Variants in SCLT1 observed in about 807,000 individuals in gnomAD.
SCLT1 encodes sodium channel-associated protein 1.
In SCLT1, 78 loss-of-function variants were observed where a neutral mutation model predicts 112.8. That is an observed-to-expected ratio of 0.69 (90% confidence interval 0.58 to 0.83). The LOEUF (loss-of-function observed/expected upper bound fraction) is 0.83. Among genes scored for constraint, SCLT1 ranks in the 40% least tolerant of loss-of-function variants. The pLI, the probability that SCLT1 is intolerant of heterozygous loss-of-function variation, is 0.00. For synonymous variants in SCLT1, 257 were observed against 254.7 expected, an observed-to-expected ratio of 1.01 and a Z score of -0.09; for missense variants, 747 against 770.4, an observed-to-expected ratio of 0.97 and a Z score of 0.36.
At chr4:129,071,731 T>C (rs1329928468) in intron 2 of SCLT1, among the ~76,000 whole-genome samples, 6 of 152,336 alleles carry the variant, frequency 3.9e-5, no homozygotes, top group African/African-American at 9.6e-5. Context: ...AGATAGTTGG[T>C]TGGTGAGTTG....
chr4:128,889,653 C>T (rs1560804074), intron 19 of SCLT1, among the ~76,000 whole-genome samples: 1 of 152,142 alleles, frequency 6.6e-6, no homozygotes, highest in Non-Finnish European at 1.5e-5. Flanking sequence ...TACTGTCAGA[C>T]AGACAAGTGC....
chr4:129,036,380 C>T (rs1747182038), intron 5 of SCLT1, among the ~76,000 whole-genome samples: 1 of 151,958 alleles, frequency 6.6e-6, no homozygotes, highest in Non-Finnish European at 1.5e-5. Context: ...ATGATTATCT[C>T]AACCATAAAA....
At chr4:128,898,511 C>T (rs1218412150) in intron 18 of SCLT1, among the ~76,000 whole-genome samples, 3 of 152,084 alleles carry the variant, frequency 2.0e-5, no homozygotes, top group Non-Finnish European at 4.4e-5. Context: ...ATCTCTGGGA[C>T]ACATTCAAAG....
intron 9 of SCLT1, among the ~76,000 whole-genome samples, chr4:128,981,920 T>C (rs1038660701): frequency 1.3e-5 from 2 of 152,092 alleles, no homozygotes; most frequent in South Asian, 4.1e-4. Context: ...GAGAGTGACA[T>C]GATCGGACAT....
chr4:128,982,539 T>C (rs1007831334), intron 9 of SCLT1, among the ~76,000 whole-genome samples: 1 of 152,192 alleles, frequency 6.6e-6, no homozygotes, highest in African/African-American at 2.4e-5. Flanking sequence ...TCTTGCTCTG[T>C]TGCCCAGGCT....
intron 5 of SCLT1, among the ~76,000 whole-genome samples, chr4:129,034,229 T>C (rs967363774): frequency 6.6e-6 from 1 of 152,146 alleles, no homozygotes; most frequent in Non-Finnish European, 1.5e-5. Flanking sequence ...TTCAAATAGA[T>C]AATAAACATT....
intron 8 of SCLT1, 140 bp from the exon 9 acceptor site, chr4:128,992,377 C>A (rs1579622613): frequency 1.8e-6 from 1 of 556,684 alleles, no homozygotes. Context: ...TAAAACATAA[C>A]CTTGGCCTTC....
chr4:128,905,651 C>T (rs946709117), intron 18 of SCLT1, among the ~76,000 whole-genome samples: 1 of 152,128 alleles, frequency 6.6e-6, no homozygotes, highest in Non-Finnish European at 1.5e-5. Context: ...AGCATTCTTT[C>T]CCCTCACTCA....
chr4:129,008,094 G>A (rs1437892243), intron 5 of SCLT1, among the ~76,000 whole-genome samples: 2 of 152,000 alleles, frequency 1.3e-5, no homozygotes, highest in South Asian at 4.2e-4. Flanking sequence ...ACATTTTAAA[G>A]CCATTATTAT....
At chr4:128,897,829 T>C (rs989085540) in intron 18 of SCLT1, among the ~76,000 whole-genome samples, 1 of 151,798 alleles carries the variant, frequency 6.6e-6, no homozygotes, top group African/African-American at 2.4e-5. Context: ...TGGAGGAAGA[T>C]CTACCAAGCA....
chr4:129,070,597 T>C (rs1161031422), intron 2 of SCLT1, among the ~76,000 whole-genome samples: 1 of 152,190 alleles, frequency 6.6e-6, no homozygotes, highest in Non-Finnish European at 1.5e-5. Flanking sequence ...GTGGTGACAG[T>C]TGTAATACCT....
At chr4:129,017,780 A>T (rs1403561082) in intron 5 of SCLT1, among the ~76,000 whole-genome samples, 1 of 152,234 alleles carries the variant, frequency 6.6e-6, no homozygotes, top group Non-Finnish European at 1.5e-5. Context: ...GGAGGCAAAC[A>T]GTGTTATCTG....
intron 10 of SCLT1, among the ~76,000 whole-genome samples, chr4:128,969,572 A>AAAAATAAAATAAAAT (rs748878885): frequency 2.0e-5 from 3 of 151,944 alleles, no homozygotes; most frequent in South Asian, 2.1e-4. Context: ...ACTCTGACTC[A>AAAAATAAAATAAAAT]AAAATAAAAT....
rs1749798834 is a variant in SCLT1 at position 129,059,928 on chromosome 4, T to C, written c.103-15877A>G. On this transcript the variant is annotated intron_variant, in intron 2 of 20. Coordinates refer to ENST00000281142, the MANE Select transcript of SCLT1 (RefSeq NM_144643.4). ...GGGAAGTTTTCAGCTATTATTTCAT[T>C]AATAGGTTTTCTATGCTTTTCCCTT... Among the ~76,000 whole-genome samples the C allele has an allele frequency of 2.0e-5, 3 of 152,172 alleles. No individual in the cohort carries two copies. The South Asian group carries it at 6.2e-4, about 31-fold the overall frequency.
In SCLT1 at chr4:129,071,991, G is replaced by A. The variant is rs552896632; in HGVS notation, c.102+10315C>T. ...CTAAGATTTGGAGCTCCTTTTAGCC[G>A]TTCTTGTAGTGGTGGCTTGGTAATG... On this transcript the variant is annotated intron_variant, in intron 2 of 20. Coordinates refer to ENST00000281142, the MANE Select transcript of SCLT1 (RefSeq NM_144643.4). Among the ~76,000 whole-genome samples the A allele has an allele frequency of 2.1e-4, 32 of 152,214 alleles. No homozygotes were observed. In the South Asian group the frequency reaches 3.7e-3, roughly 18 times the overall value.
At chr4:128,988,965 C>T (rs111313405) in intron 9 of SCLT1, among the ~76,000 whole-genome samples, 12 of 151,988 alleles carry the variant, frequency 7.9e-5, no homozygotes, top group African/African-American at 2.9e-4. Context: ...AATGCTGGAA[C>T]ATCCAGATAA....
intron 5 of SCLT1, among the ~76,000 whole-genome samples, chr4:129,013,574 G>A (rs752454558): frequency 8.6e-5 from 13 of 152,046 alleles, no homozygotes; most frequent in African/African-American, 3.1e-4. Flanking sequence ...ATGAAGTTTG[G>A]TTTGGCTGGA....
chr4:129,041,732 T>C (rs1328802051), intron 4 of SCLT1: 1 of 152,070 alleles, frequency 6.6e-6, no homozygotes, highest in Non-Finnish European at 1.5e-5. Context: ...TCTCAGGGGT[T>C]GCTTTAATAT....
intron 4 of SCLT1, among the ~76,000 whole-genome samples, chr4:128,876,340 A>G (rs1044381095): frequency 2.0e-5 from 3 of 152,168 alleles, no homozygotes; most frequent in Non-Finnish European, 4.4e-5. Flanking sequence ...GATTCTTCCT[A>G]CAAGGTCTTA....
Sources: gnomAD v4.1 joint callset for allele counts (sites outside exome capture counted in the v4.1 genomes callset) on GRCh38, gnomAD v4.1.1 for gene constraint, MANE v1.5 for transcripts, NCBI Gene and HGNC (gene_info 2026-07-23, HGNC 2026-07-21) for gene names.